Variants in ZFHX3 observed in about 807,000 individuals in gnomAD.
The protein encoded by ZFHX3 is zinc finger homeobox 3.
In ZFHX3, 42 loss-of-function variants were observed where a neutral mutation model predicts 279.1. The observed-to-expected ratio is 0.15, with a 90% CI of 0.12 to 0.19. The LOEUF is 0.19. Among genes scored for constraint, ZFHX3 ranks in the 10% least tolerant of loss-of-function variants. The pLI, the probability that ZFHX3 is intolerant of heterozygous loss-of-function variation, is 1.00. For synonymous variants in ZFHX3, 2,293 were observed against 1,957.8 expected, an observed-to-expected ratio of 1.17 and a Z score of -4.52; for missense variants, 4,981 against 4,754.0, an observed-to-expected ratio of 1.05 and a Z score of -1.40.
At chr16:73,110,729 A>C (rs1179100035) in intron 7 of ZFHX3, among the ~76,000 whole-genome samples, 3 of 151,986 alleles carry the variant, frequency 2.0e-5, no homozygotes, top group African/African-American at 7.3e-5. Context: ...ACAGCCAGCT[A>C]ATTTTTTAAT....
chr16:73,806,264 A>G (rs777627546), intron 1 of ZFHX3, among the ~76,000 whole-genome samples: 3 of 152,218 alleles, frequency 2.0e-5, no homozygotes, highest in Non-Finnish European at 4.4e-5. Flanking sequence ...AAACCATACC[A>G]GAGCACATCT....
At chr16:73,245,442 C>T (rs1270061806) in intron 5 of ZFHX3, among the ~76,000 whole-genome samples, 1 of 152,088 alleles carries the variant, frequency 6.6e-6, no homozygotes, top group Non-Finnish European at 1.5e-5. Flanking sequence ...GCCCACATTC[C>T]AAATTTTCAA....
chr16:73,479,511 G>A (rs1172140764), intron 2 of ZFHX3, among the ~76,000 whole-genome samples: 1 of 152,050 alleles, frequency 6.6e-6, no homozygotes, highest in Admixed American at 6.6e-5. Context: ...CCTCCTCCTG[G>A]AAGCCTCTCT....
At chr16:73,418,575 G>C (rs1484493648) in intron 3 of ZFHX3, among the ~76,000 whole-genome samples, 4 of 152,316 alleles carry the variant, frequency 2.6e-5, no homozygotes, top group African/African-American at 9.6e-5. Flanking sequence ...AAAAGAAAGA[G>C]ACATGTCAGA....
intron 1 of ZFHX3, among the ~76,000 whole-genome samples, chr16:73,869,637 G>A (rs1032943717): frequency 1.3e-5 from 2 of 152,152 alleles, no homozygotes; most frequent in Non-Finnish European, 2.9e-5. Flanking sequence ...CATATATACT[G>A]GGACAGAAAA....
chr16:73,223,904 C>G (rs570280071), intron 5 of ZFHX3, among the ~76,000 whole-genome samples: 1 of 152,212 alleles, frequency 6.6e-6, no homozygotes, highest in African/African-American at 2.4e-5. Context: ...ATGTATATTA[C>G]TAAGTGAAAA....
exon 7 of ZFHX3, chr16:73,131,025 C>T: frequency 7.7e-7 from 1 of 1,301,978 alleles, no homozygotes; most frequent in Non-Finnish European, 1.0e-6. Context: ...GAGTTAGACC[C>T]CCTGGGCTCC....
intron 1 of ZFHX3, among the ~76,000 whole-genome samples, chr16:73,891,261 G>A (rs2030528805): frequency 6.6e-6 from 1 of 152,080 alleles, no homozygotes; most frequent in Non-Finnish European, 1.5e-5. Context: ...TTTCCAGCAC[G>A]CTGTGCTGGT....
intron 6 of ZFHX3, among the ~76,000 whole-genome samples, chr16:73,136,840 G>A (rs996292623): frequency 6.7e-6 from 1 of 150,110 alleles, no homozygotes; most frequent in African/African-American, 2.5e-5. Context: ...TGGAGATTCT[G>A]ACAATGTTTA....
chr16:72,829,755 T>C, intron 5 of ZFHX3, 24 bp downstream of exon 5: 2 of 1,613,704 alleles, frequency 1.2e-6, no homozygotes, highest in African/African-American at 1.3e-5. Flanking sequence ...ACACTACCTG[T>C]CCACTTGCCC....
chr16:73,731,716 A>G (rs1223296380), intron 1 of ZFHX3, among the ~76,000 whole-genome samples: 2 of 152,190 alleles, frequency 1.3e-5, no homozygotes, highest in Admixed American at 1.3e-4. Flanking sequence ...TACAATAAGA[A>G]AATGCAAATG....
At chr16:73,885,223 G>A (rs1330784580) in intron 1 of ZFHX3, among the ~76,000 whole-genome samples, 1 of 152,114 alleles carries the variant, frequency 6.6e-6, no homozygotes, top group Non-Finnish European at 1.5e-5. Flanking sequence ...CCCTTTGACT[G>A]AAGGGTGAGA....
At chr16:73,264,355 A>C (rs1258729931) in intron 4 of ZFHX3, among the ~76,000 whole-genome samples, 1 of 151,978 alleles carries the variant, frequency 6.6e-6, no homozygotes, top group African/African-American at 2.4e-5. Context: ...ATTAAATTTA[A>C]TGCCCATATC....
chr16:73,433,355 C>A (rs1376653020), intron 3 of ZFHX3, among the ~76,000 whole-genome samples: 1 of 152,140 alleles, frequency 6.6e-6, no homozygotes, highest in Non-Finnish European at 1.5e-5. Flanking sequence ...ATGCACGCAG[C>A]CTGTACACTG....
chr16:73,038,922 C>T (rs1965010759), intron 1 of ZFHX3, among the ~76,000 whole-genome samples: 1 of 151,810 alleles, frequency 6.6e-6, no homozygotes, highest in Non-Finnish European at 1.5e-5. Context: ...CTCAGCCTCC[C>T]GAGTAGCTAG....
intron 3 of ZFHX3, among the ~76,000 whole-genome samples, chr16:72,925,950 G>A (rs761817515): frequency 6.6e-6 from 1 of 152,162 alleles, no homozygotes; most frequent in African/African-American, 2.4e-5. Context: ...ATTTGTGCAC[G>A]AAAGCATGTT....
At chr16:72,934,177 T>C (rs1959983529) in intron 3 of ZFHX3, among the ~76,000 whole-genome samples, 1 of 152,104 alleles carries the variant, frequency 6.6e-6, no homozygotes, top group African/African-American at 2.4e-5. Flanking sequence ...GTAATTCCAA[T>C]ACTTTAGGAG....
At chr16:73,811,503 G>A (rs1960425166) in intron 1 of ZFHX3, among the ~76,000 whole-genome samples, 1 of 146,468 alleles carries the variant, frequency 6.8e-6, no homozygotes, top group Admixed American at 6.9e-5. Flanking sequence ...GAGTGGCAGT[G>A]GCGTGATCTC....
intron 4 of ZFHX3, among the ~76,000 whole-genome samples, chr16:72,866,944 T>G (rs1256518693): frequency 1.3e-5 from 2 of 152,214 alleles, no homozygotes; most frequent in Non-Finnish European, 1.5e-5. Context: ...TTCCCTAAAT[T>G]ATCATCTCTC....
Sources: gnomAD v4.1 joint callset for allele counts (sites outside exome capture counted in the v4.1 genomes callset) on GRCh38, gnomAD v4.1.1 for gene constraint, MANE v1.5 for transcripts, NCBI Gene and HGNC (gene_info 2026-07-23, HGNC 2026-07-21) for gene names.